The following KATNIP variants were observed in gnomAD, a reference collection of about 807,000 sequenced individuals.
The protein encoded by KATNIP is katanin-interacting protein.
KATNIP carries 126 observed loss-of-function variants against 174.0 expected under a neutral mutation model. That is an observed-to-expected ratio of 0.72 (90% CI 0.63 to 0.84). The LOEUF is 0.84. Ranked by LOEUF, KATNIP falls within the 40% of genes least tolerant of loss-of-function variation. The pLI, the probability that KATNIP is intolerant of heterozygous loss-of-function variation, is 0.00. For missense variants in KATNIP, 1,958 were observed against 2,109.7 expected, an observed-to-expected ratio of 0.93 and a Z score of 1.41; for synonymous variants, 810 against 835.7, an observed-to-expected ratio of 0.97 and a Z score of 0.53.
At chr16:27,584,115 C>G (rs1413893606) in intron 2 of KATNIP, among the ~76,000 whole-genome samples, 1 of 152,144 alleles carries the variant, frequency 6.6e-6, no homozygotes, top group Non-Finnish European at 1.5e-5. Context: ...GTGCCTAGAA[C>G]AGTGCCCTAC....
intron 6 of KATNIP, among the ~76,000 whole-genome samples, chr16:27,663,152 C>CTTTTTTTTTTTTTTTTTTT (rs11440523): frequency 3.7e-5 from 3 of 80,052 alleles, no homozygotes; most frequent in Non-Finnish European, 7.4e-5. Context: ...TTTTCTTCTT[C>CTTTTTTTTTTTTTTTTTTT]TTTTTTTTTT....
chr16:27,776,433 T>C lies in KATNIP; in HGVS notation c.4450-495T>C, dbSNP rs1320991291. 1.3e-5 allele frequency among the ~76,000 whole-genome samples: 2 copies of C among 151,994 alleles called. No homozygotes were observed. The highest frequency in any genetic ancestry group is 1.5e-5 in the Non-Finnish European group (1 of 67,984). ...CCGATCTAGACAGCCCCCTTTTTAC[T>C]CCCCCAGCGGAGGTTCACAGACACG... On this transcript the variant is annotated intron_variant, in intron 24 of 27. Transcript: ENST00000261588. This position sits in a 1 kb window ranked among gnomAD's most constrained non-coding sequence, Gnocchi z 4.7.
At chr16:27,763,387 G>T (rs1440722959) in intron 19 of KATNIP, among the ~76,000 whole-genome samples, 1 of 137,174 alleles carries the variant, frequency 7.3e-6, no homozygotes, top group African/African-American at 2.8e-5. Flanking sequence ...TAGAAGGATT[G>T]CTTGAGCCCA....
Position 27,766,341 on chromosome 16 carries a change from A to C in KATNIP, c.3842A>C (p.Asp1281Ala), listed in dbSNP as rs765273579. Reference sequence around the variant, plus strand: ...GATGGCACCAACATCACCATGGAGGATGAGCATATGTGGCTGATCCCCTTC... The same window carrying C: ...GATGGCACCAACATCACCATGGAGGCTGAGCATATGTGGCTGATCCCCTTC... Reference protein sequence around the residue: ...LIDGTNITMEDEHMWLIPFSP... With the variant: ...LIDGTNITMEAEHMWLIPFSP... Residue 1281 changes from aspartate (D) to alanine (A), a missense_variant, in exon 20 of 28, where the codon GAT becomes GCT. By Grantham distance (126) the Asp-to-Ala change is moderately radical. Transcript: ENST00000261588. The C allele has an allele frequency of 6.2e-7, 1 of 1,614,158 alleles. No homozygotes were observed. The highest frequency in any genetic ancestry group is 8.5e-7 in the Non-Finnish European group (1 of 1,180,028).
intron 4 of KATNIP, among the ~76,000 whole-genome samples, chr16:27,630,709 C>T (rs1243735828): frequency 1.3e-5 from 2 of 152,126 alleles, no homozygotes; most frequent in African/African-American, 2.4e-5. Flanking sequence ...AGAGATTCAC[C>T]CTCTACACTC....
chr16:27,583,697 T>C (rs2090780285), intron 2 of KATNIP, among the ~76,000 whole-genome samples: 2 of 152,210 alleles, frequency 1.3e-5, no homozygotes, highest in African/African-American at 2.4e-5. Context: ...ACTTCAGCTT[T>C]AGTAGTGTCC....
intron 18 of KATNIP, among the ~76,000 whole-genome samples, chr16:27,757,134 GA>G (rs1275259166): frequency 2.0e-5 from 3 of 152,224 alleles, no homozygotes; most frequent in Non-Finnish European, 4.4e-5. Context: ...GCCCAGGCTA[GA>G]GTGCAGTAGT....
intron 2 of KATNIP, among the ~76,000 whole-genome samples, chr16:27,602,081 A>AGAGGGC (rs2075545396): frequency 6.6e-6 from 1 of 152,150 alleles, no homozygotes; most frequent in Non-Finnish European, 1.5e-5. Context: ...CACCAGCCTG[A>AGAGGGC]GAGGGCGAAA....
At chr16:27,639,837 G>A (rs546484921) in intron 5 of KATNIP, among the ~76,000 whole-genome samples, 128 of 152,352 alleles carry the variant, frequency 8.4e-4, no homozygotes, top group African/African-American at 2.9e-3. Context: ...GACTGTCAGA[G>A]TGGGGAGCAC....
intron 14 of KATNIP, among the ~76,000 whole-genome samples, chr16:27,736,737 A>G (rs975992167): frequency 1.3e-5 from 2 of 152,178 alleles, no homozygotes; most frequent in African/African-American, 2.4e-5. Context: ...GGAGGCTCCC[A>G]TGATCTGATT....
chr16:27,655,593 T>C (rs1474037334), intron 6 of KATNIP, among the ~76,000 whole-genome samples: 2 of 152,022 alleles, frequency 1.3e-5, no homozygotes, highest in East Asian at 3.9e-4. Context: ...TTAATGATGT[T>C]ACATTTAAAT....
At chr16:27,665,529 T>C (rs1299550497) in intron 6 of KATNIP, among the ~76,000 whole-genome samples, 1 of 152,196 alleles carries the variant, frequency 6.6e-6, no homozygotes, top group African/African-American at 2.4e-5. Context: ...CCTCTTTTCT[T>C]TATAAATTAC....
intron 2 of KATNIP, among the ~76,000 whole-genome samples, chr16:27,585,334 A>C (rs910403930): frequency 6.6e-6 from 1 of 152,202 alleles, no homozygotes; most frequent in African/African-American, 2.4e-5. Flanking sequence ...GTTTGTTGGG[A>C]ATGTAAATTA....
chr16:27,724,202 A>G (rs879281024), intron 14 of KATNIP, among the ~76,000 whole-genome samples: 107 of 152,072 alleles, frequency 7.0e-4, no homozygotes, highest in Non-Finnish European at 1.0e-3. Flanking sequence ...CCACATAGCC[A>G]TGGCACACTA....
At chr16:27,694,468 C>T (rs1353967395) in intron 8 of KATNIP, among the ~76,000 whole-genome samples, 1 of 151,956 alleles carries the variant, frequency 6.6e-6, no homozygotes, top group Non-Finnish European at 1.5e-5. Context: ...TCTTTGATAC[C>T]CTTAAATGAT....
intron 8 of KATNIP, among the ~76,000 whole-genome samples, chr16:27,689,778 C>G (rs572057746): frequency 1.0e-3 from 158 of 152,260 alleles, no homozygotes; most frequent in African/African-American, 3.6e-3. Flanking sequence ...CTGGGCTGTT[C>G]TGTAGTGAGC....
chr16:27,576,452 C>T (rs1055399417), intron 2 of KATNIP, among the ~76,000 whole-genome samples: 1 of 152,012 alleles, frequency 6.6e-6, no homozygotes, highest in East Asian at 1.9e-4. Flanking sequence ...AAAAAACCAA[C>T]CCCAAACAAT....
chr16:27,774,972 A>T lies in KATNIP; in HGVS notation c.4337A>T (p.Asn1446Ile), dbSNP rs1366575029. ...ATTGCGGCCTTCCCCGACAGCGTGA[A>T]CTCCCTGGAGGGTGTGGGCGGGGAC... ...NNIAAFPDSV[N>I]SLEGVGGDVR... The change falls in exon 24 of 28, where the codon AAC becomes ATC. Residue 1446 changes from asparagine (N) to isoleucine (I), a missense_variant. By Grantham distance (149) the Asn-to-Ile change is moderately radical (BLOSUM62 -3). Coordinates refer to ENST00000261588, the MANE Select transcript of KATNIP (RefSeq NM_015202.5). 6.2e-7 allele frequency: 1 copy of T among 1,613,552 alleles called. No individual in the cohort carries two copies. Among genetic ancestry groups the T allele is most frequent in the Non-Finnish European group, 8.5e-7 (1 of 1,179,860 alleles).
At chr16:27,717,573 C>A (rs886597006) in intron 13 of KATNIP, among the ~76,000 whole-genome samples, 16 of 151,994 alleles carry the variant, frequency 1.1e-4, no homozygotes, top group African/African-American at 3.6e-4. Context: ...GGGTCAGGTT[C>A]CCTTGCACAT....
Sources: allele counts gnomAD v4.1 joint callset (sites outside exome capture counted in the v4.1 genomes callset), GRCh38; gene constraint gnomAD v4.1.1; non-coding constraint Gnocchi (gnomAD v3.1); transcripts MANE v1.5; gene names NCBI Gene and HGNC (gene_info 2026-07-23, HGNC 2026-07-21).